Variants in RORB observed in about 807,000 individuals in gnomAD.
RORB encodes nuclear receptor ROR-beta.
Under a neutral mutation model 59.1 loss-of-function variants are expected in RORB, and 6 were observed. That is an observed-to-expected ratio of 0.10 (90% confidence interval 0.06 to 0.20). The LOEUF (loss-of-function observed/expected upper bound fraction) is 0.20. Ranked by LOEUF, RORB falls within the 10% of genes least tolerant of loss-of-function variation. The pLI is 1.00. For synonymous variants in RORB, 215 were observed against 204.5 expected (o/e 1.05, Z -0.44); for missense variants, 320 against 560.5 (o/e 0.57, Z 4.33).
At chr9:74,617,285 A>G (rs968893286) in intron 1 of RORB, among the ~76,000 whole-genome samples, 3 of 152,136 alleles carry the variant, frequency 2.0e-5, no homozygotes, top group African/African-American at 7.2e-5. Flanking sequence ...TCTCCAAAAG[A>G]TCATTAGATT....
chr9:74,581,533 C>T (rs1171747547), intron 1 of RORB, among the ~76,000 whole-genome samples: 3 of 152,210 alleles, frequency 2.0e-5, no homozygotes. Context: ...CCTCACCACA[C>T]TTTTGGAAGG....
At chr9:74,501,292 AT>A (rs1228025063) in intron 1 of RORB, among the ~76,000 whole-genome samples, 1 of 152,128 alleles carries the variant, frequency 6.6e-6, no homozygotes, top group Non-Finnish European at 1.5e-5. Flanking sequence ...CAGGTAGTTA[AT>A]TTTTGCCAAG....
intron 1 of RORB, among the ~76,000 whole-genome samples, chr9:74,601,896 A>G (rs1436049293): frequency 6.6e-6 from 1 of 152,158 alleles, no homozygotes; most frequent in Non-Finnish European, 1.5e-5. Flanking sequence ...TGAACAAGCA[A>G]AGCAACTTCT....
intron 1 of RORB, among the ~76,000 whole-genome samples, chr9:74,501,886 AC>A (rs1825807747): frequency 6.6e-6 from 1 of 152,084 alleles, no homozygotes. Flanking sequence ...AACTTTATAA[AC>A]CTGAGGGACA....
intron 1 of RORB, among the ~76,000 whole-genome samples, chr9:74,545,334 T>G (rs1826472158): frequency 1.3e-5 from 2 of 152,176 alleles, no homozygotes; most frequent in Admixed American, 1.3e-4. Flanking sequence ...GGAGTAAGAT[T>G]GCGGTGCCTT....
chr9:74,661,794 C>G (rs987508736), intron 5 of RORB, among the ~76,000 whole-genome samples: 1 of 151,374 alleles, frequency 6.6e-6, no homozygotes, highest in Admixed American at 6.6e-5. Context: ...ACAGGCGCCC[C>G]CCCACCACGC....
At chr9:74,675,115 T>A (rs1227309637) in intron 9 of RORB, among the ~76,000 whole-genome samples, 1 of 152,048 alleles carries the variant, frequency 6.6e-6, no homozygotes, top group Non-Finnish European at 1.5e-5. Flanking sequence ...ATGAAAACCA[T>A]TTCAAAAGAT....
intron 9 of RORB, among the ~76,000 whole-genome samples, chr9:74,672,866 A>G (rs1178990829): frequency 6.6e-6 from 1 of 152,122 alleles, no homozygotes; most frequent in African/African-American, 2.4e-5. Flanking sequence ...TTATATTTTT[A>G]TCATTAAAAC....
chr9:74,682,638 C>T (rs902762511), intron 9 of RORB, among the ~76,000 whole-genome samples: 2 of 152,184 alleles, frequency 1.3e-5, no homozygotes, highest in Non-Finnish European at 2.9e-5. Flanking sequence ...AAACTAATAG[C>T]TCTGAGCACA....
chr9:74,582,583 T>C (rs1822740208), intron 1 of RORB, among the ~76,000 whole-genome samples: 1 of 152,198 alleles, frequency 6.6e-6, no homozygotes, highest in African/African-American at 2.4e-5. Context: ...TAGGATTAGT[T>C]ACCAACATTA....
At chr9:74,521,233 G>T (rs1363690121) in intron 1 of RORB, among the ~76,000 whole-genome samples, 1 of 151,838 alleles carries the variant, frequency 6.6e-6, no homozygotes, top group Non-Finnish European at 1.5e-5. Flanking sequence ...AAGTCCAGCT[G>T]TAACAACAAC....
At chr9:74,569,515 T>C (rs1261011265) in intron 1 of RORB, among the ~76,000 whole-genome samples, 2 of 152,082 alleles carry the variant, frequency 1.3e-5, no homozygotes, top group Admixed American at 1.3e-4. Context: ...ATATTTACCT[T>C]GTATTTTTTG....
In RORB at chr9:74,688,165, T is replaced by C. The variant is rs573201561; in HGVS notation, c.*2547T>C. The C allele has an allele frequency of 1.6e-4, 24 of 152,338 alleles. No homozygotes were observed. The highest frequency in any genetic ancestry group is 5.5e-4 in the African/African-American group (23 of 41,560). The allele number at this position is 152,338 out of a possible 1,614,324, so 9.4% of individuals were successfully genotyped here. ...TTTCCACTAGCGTTAAGCATTTCAC[T>C]GGGACGGCATGGACCTTTTGAAGCT... On this transcript the variant is annotated 3_prime_UTR_variant, in exon 10 of 10. Coordinates refer to ENST00000376896, the MANE Select transcript of RORB (RefSeq NM_006914.4).
chr9:74,600,707 A>G (rs916228186), intron 1 of RORB, among the ~76,000 whole-genome samples: 1 of 152,242 alleles, frequency 6.6e-6, no homozygotes, highest in Non-Finnish European at 1.5e-5. Flanking sequence ...CAACATTAAT[A>G]TATTGAAATT....
At chr9:74,673,315 A>T (rs1824379133) in intron 9 of RORB, among the ~76,000 whole-genome samples, 1 of 152,050 alleles carries the variant, frequency 6.6e-6, no homozygotes, top group East Asian at 1.9e-4. Context: ...GGATCTCCTG[A>T]AGACTTTTGT....
chr9:74,559,451 A>T (rs1237865322), intron 1 of RORB, among the ~76,000 whole-genome samples: 1 of 152,092 alleles, frequency 6.6e-6, no homozygotes, highest in African/African-American at 2.4e-5. Flanking sequence ...CTCGACCCAG[A>T]CCCATGAAAC....
chr9:74,682,996 G>A (rs1014757859), intron 9 of RORB, among the ~76,000 whole-genome samples: 1 of 152,194 alleles, frequency 6.6e-6, no homozygotes, highest in African/African-American at 2.4e-5. Flanking sequence ...AGTGTCTGCA[G>A]GGAATGTTTG....
At chr9:74,676,764 G>T (rs1824450184) in intron 9 of RORB, among the ~76,000 whole-genome samples, 1 of 152,194 alleles carries the variant, frequency 6.6e-6, no homozygotes, top group South Asian at 2.1e-4. Flanking sequence ...CCCCCGCGGG[G>T]CTCTCTCTTT....
intron 4 of RORB, among the ~76,000 whole-genome samples, chr9:74,656,904 CA>C (rs992722084): frequency 1.3e-5 from 2 of 152,202 alleles, no homozygotes; most frequent in African/African-American, 4.8e-5. Context: ...ACTTCAGTCA[CA>C]AAATCTGTCC....
Sources: allele counts gnomAD v4.1 joint callset (sites outside exome capture counted in the v4.1 genomes callset), GRCh38; gene constraint gnomAD v4.1.1; transcripts MANE v1.5; gene names NCBI Gene and HGNC (gene_info 2026-07-23, HGNC 2026-07-21).